Variants in ARHGAP28 observed in about 807,000 individuals in gnomAD.
ARHGAP28 encodes Rho GTPase activating protein 28, also known as rho GTPase-activating protein 28.
Under a neutral mutation model 90.7 loss-of-function variants are expected in ARHGAP28, and 56 were observed. The ratio of observed to expected loss-of-function variants is 0.62; its 90% CI spans 0.50 to 0.77. The LOEUF is 0.77. Ranked by LOEUF, ARHGAP28 falls within the 30% of genes least tolerant of loss-of-function variation. The probability of loss-of-function intolerance (pLI) is 0.00; values close to 1 mark genes in which losing one functional copy is unlikely to be tolerated. For missense variants in ARHGAP28, 869 were observed against 900.9 expected (o/e 0.96, Z 0.45); for synonymous variants, 308 against 323.3 (o/e 0.95, Z 0.51).
At chr18:6,740,612 C>T (rs1464463005) in intron 1 of ARHGAP28, among the ~76,000 whole-genome samples, 1 of 152,108 alleles carries the variant, frequency 6.6e-6, no homozygotes, top group Non-Finnish European at 1.5e-5. Context: ...TCTTAGGACA[C>T]CAGAACTATA....
chr18:6,731,586 GT>G (rs2055883145), intron 1 of ARHGAP28, among the ~76,000 whole-genome samples: 1 of 152,130 alleles, frequency 6.6e-6, no homozygotes, highest in African/African-American at 2.4e-5. Flanking sequence ...GTTGTTCCAA[GT>G]TTGCATTTTT....
rs79046479 is a variant in ARHGAP28, at chr18:6,765,227, T to C, written c.122+35284T>C. Among the ~76,000 whole-genome samples, 937 of 152,326 alleles carry C rather than the reference T, an allele frequency of 6.2e-3. 7 individuals carry two copies. The highest frequency in any genetic ancestry group is 8.8e-3 in the Non-Finnish European group (597 of 68,022). ...CTCTTTTCTGTGCAAGTTTGGTTTC[T>C]TCCTTAATGTTTGATAGCATATTAG... On this transcript the variant is annotated intron_variant, in intron 1 of 17. Transcript: ENST00000383472.
chr18:6,772,619 G>C lies in ARHGAP28; in HGVS notation c.122+42676G>C, dbSNP rs74492173. Reference sequence around the variant, plus strand: ...GAACTATATGATAATGTAAGATAATGAGCACGTTTATGGTAGGCTAGGGTG... The same window carrying C: ...GAACTATATGATAATGTAAGATAATCAGCACGTTTATGGTAGGCTAGGGTG... On this transcript the variant is annotated intron_variant, in intron 1 of 17. Transcript: ENST00000383472. Among the ~76,000 whole-genome samples, 87 of 152,322 alleles carry C rather than the reference G, an allele frequency of 5.7e-4. 1 individual carries two copies. In the East Asian group the frequency reaches 0.016, roughly 28 times the overall value.
chr18:6,827,610 G>C (rs1313645158), intron 2 of ARHGAP28, among the ~76,000 whole-genome samples: 2 of 135,502 alleles, frequency 1.5e-5, no homozygotes, highest in South Asian at 2.6e-4. Context: ...ACCTCCCTCC[G>C]AGACGGGGCG....
At chr18:6,860,308 A>G (rs1009337916) in intron 5 of ARHGAP28, among the ~76,000 whole-genome samples, 3 of 152,206 alleles carry the variant, frequency 2.0e-5, no homozygotes, top group African/African-American at 7.2e-5. Context: ...AAGGCTCTCC[A>G]CTATGCCTTA....
chr18:6,840,225 C>T (rs2056795207), intron 3 of ARHGAP28, among the ~76,000 whole-genome samples: 2 of 152,150 alleles, frequency 1.3e-5, no homozygotes, highest in Non-Finnish European at 2.9e-5. Flanking sequence ...TCAGTTGTGT[C>T]CGGGATCATC....
chr18:6,768,854 A>T (rs1428255792), intron 1 of ARHGAP28, among the ~76,000 whole-genome samples: 1 of 152,056 alleles, frequency 6.6e-6, no homozygotes, highest in Admixed American at 6.6e-5. Context: ...GAAAGCTGGG[A>T]TGCCTGTAGG....
intron 5 of ARHGAP28, among the ~76,000 whole-genome samples, chr18:6,866,532 C>A (rs2057039266): frequency 6.6e-6 from 1 of 152,184 alleles, no homozygotes; most frequent in Non-Finnish European, 1.5e-5. Flanking sequence ...TTCTGGGCAG[C>A]ACCTCTTCCC....
At chr18:6,853,633 C>T (rs367568549) in intron 4 of ARHGAP28, among the ~76,000 whole-genome samples, 8 of 152,054 alleles carry the variant, frequency 5.3e-5, no homozygotes, top group Middle Eastern at 3.2e-3. Flanking sequence ...CCACCATACC[C>T]GGCTAATTTT....
At chr18:6,762,800 C>T (rs1453712435) in intron 1 of ARHGAP28, among the ~76,000 whole-genome samples, 1 of 151,888 alleles carries the variant, frequency 6.6e-6, no homozygotes, top group African/African-American at 2.4e-5. Context: ...GCTGTCAGTA[C>T]CTTGATCTTA....
chr18:6,793,315 G>A (rs760663366), intron 1 of ARHGAP28, among the ~76,000 whole-genome samples: 5 of 152,180 alleles, frequency 3.3e-5, no homozygotes, highest in Non-Finnish European at 5.9e-5. Context: ...GACAGATGAG[G>A]AACAGTGCTC....
At chr18:6,796,894 A>G (rs902152361) in intron 1 of ARHGAP28, among the ~76,000 whole-genome samples, 8 of 152,154 alleles carry the variant, frequency 5.3e-5, no homozygotes, top group East Asian at 1.9e-4. Flanking sequence ...TGATTCTTAA[A>G]TTAAGAAATA....
intron 3 of ARHGAP28, among the ~76,000 whole-genome samples, chr18:6,843,656 G>A (rs2056844392): frequency 6.6e-6 from 1 of 152,174 alleles, no homozygotes; most frequent in African/African-American, 2.4e-5. Flanking sequence ...AAGGTAGCCT[G>A]TGCATTTTGC....
intron 11 of ARHGAP28, among the ~76,000 whole-genome samples, chr18:6,885,375 C>CGT (rs1015815301): frequency 6.6e-6 from 1 of 152,006 alleles, no homozygotes; most frequent in African/African-American, 2.4e-5. Context: ...TGAACAAGCG[C>CGT]GTGTGTGTGT....
intron 1 of ARHGAP28, among the ~76,000 whole-genome samples, chr18:6,810,562 C>T (rs974432550): frequency 2.0e-5 from 3 of 152,068 alleles, no homozygotes; most frequent in Non-Finnish European, 4.4e-5. Flanking sequence ...TCCAATAATC[C>T]CAATCCCTGT....
At chr18:6,910,525 C>T (rs2057390291) in intron 17 of ARHGAP28, among the ~76,000 whole-genome samples, 1 of 152,142 alleles carries the variant, frequency 6.6e-6, no homozygotes, top group East Asian at 2.0e-4. Context: ...AGGATGCCCT[C>T]CCCCCAGACA....
intron 3 of ARHGAP28, among the ~76,000 whole-genome samples, chr18:6,839,619 T>C (rs895355883): frequency 2.6e-5 from 4 of 152,196 alleles, no homozygotes; most frequent in Admixed American, 2.6e-4. Flanking sequence ...GATTAAGAGT[T>C]AGTGCAAGTT....
At chr18:6,734,330 T>C (rs1259163652) in intron 1 of ARHGAP28, among the ~76,000 whole-genome samples, 8 of 152,062 alleles carry the variant, frequency 5.3e-5, no homozygotes, top group Admixed American at 3.9e-4. Context: ...AAGTACAATG[T>C]TTTTTTTGTG....
chr18:6,911,330 CT>C (rs2057397955), intron 17 of ARHGAP28, among the ~76,000 whole-genome samples: 1 of 152,162 alleles, frequency 6.6e-6, no homozygotes, highest in Non-Finnish European at 1.5e-5. Flanking sequence ...TCTTCTCTAG[CT>C]CTGGTCAAGT....
Sources: allele counts gnomAD v4.1 joint callset (sites outside exome capture counted in the v4.1 genomes callset), GRCh38; gene constraint gnomAD v4.1.1; transcripts MANE v1.5; gene names NCBI Gene and HGNC (gene_info 2026-07-23, HGNC 2026-07-21).